Variants in FHIT observed in about 807,000 individuals in gnomAD.
FHIT encodes the protein fragile histidine triad diadenosine triphosphatase, also known as bis(5'-adenosyl)-triphosphatase.
Under a neutral mutation model 17.9 loss-of-function variants are expected in FHIT, and 19 were observed. The observed-to-expected ratio is 1.06, with a 90% confidence interval of 0.74 to 1.56. The LOEUF (loss-of-function observed/expected upper bound fraction) is 1.56, where lower values mean the gene tolerates loss of function less well. Ranked by LOEUF, FHIT falls within the 40% of genes most tolerant of loss-of-function variation. FHIT has a pLI of 0.00. For missense variants in FHIT, 248 were observed against 189.2 expected, an observed-to-expected ratio of 1.31 and a Z score of -1.82; for synonymous variants, 81 against 69.7, an observed-to-expected ratio of 1.16 and a Z score of -0.81.
intron 5 of FHIT, among the ~76,000 whole-genome samples, chr3:60,109,635 C>T (rs1370163941): frequency 6.6e-6 from 1 of 152,084 alleles, no homozygotes; most frequent in Non-Finnish European, 1.5e-5. Flanking sequence ...TAATGGTTTC[C>T]TTAAATGCGG....
intron 5 of FHIT, among the ~76,000 whole-genome samples, chr3:60,256,758 T>C (rs1046753329): frequency 6.6e-6 from 1 of 152,224 alleles, no homozygotes; most frequent in Non-Finnish European, 1.5e-5. Flanking sequence ...TACATTTCAG[T>C]ATGATTGGTC....
chr3:60,195,084 T>C (rs975355240), intron 5 of FHIT, among the ~76,000 whole-genome samples: 2 of 152,038 alleles, frequency 1.3e-5, no homozygotes, highest in Non-Finnish European at 2.9e-5. Flanking sequence ...GAGAATCACT[T>C]GAACCCAGAA....
chr3:61,182,814 G>T (rs1180989168), intron 2 of FHIT, among the ~76,000 whole-genome samples: 4 of 152,150 alleles, frequency 2.6e-5, no homozygotes, highest in African/African-American at 9.7e-5. Context: ...GCAGACAGTA[G>T]CCCACTTCAT....
intron 3 of FHIT, among the ~76,000 whole-genome samples, chr3:60,998,899 A>C (rs2030866017): frequency 6.7e-6 from 1 of 149,626 alleles, no homozygotes; most frequent in South Asian, 2.1e-4. Flanking sequence ...AGTCTAAATG[A>C]ACAAGCAGAG....
intron 8 of FHIT, among the ~76,000 whole-genome samples, chr3:59,835,774 C>T (rs1398420684): frequency 6.6e-6 from 1 of 152,176 alleles, no homozygotes; most frequent in Non-Finnish European, 1.5e-5. Flanking sequence ...TTGAAGACCA[C>T]TAGCTCATTA....
intron 5 of FHIT, among the ~76,000 whole-genome samples, chr3:60,156,208 A>T (rs549298677): frequency 6.6e-6 from 1 of 151,664 alleles, no homozygotes; most frequent in Non-Finnish European, 1.5e-5. Context: ...AAAAATTAGC[A>T]GGGCGTGGTG....
intron 3 of FHIT, among the ~76,000 whole-genome samples, chr3:60,828,516 G>C (rs1702203541): frequency 6.6e-6 from 1 of 152,150 alleles, no homozygotes; most frequent in Non-Finnish European, 1.5e-5. Context: ...GAAGCTATTA[G>C]AGGAGATGGG....
chr3:59,885,773 T>C (rs1703597994), intron 8 of FHIT, among the ~76,000 whole-genome samples: 1 of 152,196 alleles, frequency 6.6e-6, no homozygotes, highest in Non-Finnish European at 1.5e-5. Context: ...GCTGCTTTCA[T>C]TTTCCAAAAG....
chr3:60,801,978 A>G lies in FHIT; in HGVS notation c.-18+19941T>C, dbSNP rs562074039. Among the ~76,000 whole-genome samples, 44 of 152,354 alleles carry G rather than the reference A, an allele frequency of 2.9e-4. 1 individual carries two copies. Among genetic ancestry groups the G allele is most frequent in the African/African-American group, 9.9e-4 (41 of 41,590 alleles). ...CAGAACATTTCCTTCAATTCACATAATCATTAAGAAGTATCATTCATAAGG... is the reference window on the plus strand; with the variant it reads ...CAGAACATTTCCTTCAATTCACATAGTCATTAAGAAGTATCATTCATAAGG... On this transcript the variant is annotated intron_variant, in intron 4 of 9. Transcript: ENST00000492590.
chr3:60,814,735 T>C (rs2736738), intron 4 of FHIT, among the ~76,000 whole-genome samples: 119,683 of 152,036 alleles, frequency 0.79, 48,384 homozygotes, highest in East Asian at 0.94. Context: ...GTAATGGAAT[T>C]GCTGGATCGA....
intron 8 of FHIT, among the ~76,000 whole-genome samples, chr3:59,836,529 G>A (rs777352365): frequency 7.2e-5 from 11 of 152,184 alleles, no homozygotes; most frequent in Non-Finnish European, 8.8e-5. Context: ...CATGCCATAT[G>A]AGCTTGGCCC....
intron 5 of FHIT, among the ~76,000 whole-genome samples, chr3:60,110,941 G>T (rs1272487152): frequency 6.6e-6 from 1 of 152,074 alleles, no homozygotes; most frequent in East Asian, 1.9e-4. Context: ...TCTCTACTCT[G>T]CCTGTCCCAT....
chr3:60,305,535 T>A, intron 5 of FHIT, among the ~76,000 whole-genome samples: 1 of 152,154 alleles, frequency 6.6e-6, no homozygotes, highest in East Asian at 1.9e-4. Flanking sequence ...ACACTGTGCA[T>A]CTCCAATCTC....
rs540557737 is a variant in FHIT, at chr3:59,831,502, C to T, written c.349-79181G>A. On this transcript the variant is annotated intron_variant, in intron 8 of 9. Coordinates refer to ENST00000492590, the MANE Select transcript of FHIT (RefSeq NM_002012.4). The stretch of plus-strand genomic sequence containing the variant: ...AATAGAAGCCAAGCAGTTTGACTTC[C>T]GAGCCTGTGCCCTTAGTTACTACCC... Among the ~76,000 whole-genome samples, 10 of 152,164 alleles carry T rather than the reference C, an allele frequency of 6.6e-5. No individual in the cohort carries two copies. The East Asian group carries it at 9.7e-4, about 15-fold the overall frequency.
chr3:60,625,012 A>T (rs1553680411), intron 4 of FHIT, among the ~76,000 whole-genome samples: 2 of 152,040 alleles, frequency 1.3e-5, no homozygotes, highest in Non-Finnish European at 2.9e-5. Context: ...AGGCTCAAGC[A>T]ATCCTCCCAC....
chr3:61,227,974 T>C (rs1215685586), intron 1 of FHIT, among the ~76,000 whole-genome samples: 3 of 152,162 alleles, frequency 2.0e-5, no homozygotes, highest in African/African-American at 7.2e-5. Flanking sequence ...TTTAAAAAAA[T>C]GTCTGTAGTT....
chr3:61,081,968 A>T (rs778081364), intron 2 of FHIT, among the ~76,000 whole-genome samples: 11 of 152,158 alleles, frequency 7.2e-5, no homozygotes, highest in African/African-American at 2.7e-4. Flanking sequence ...AAATCTGTCA[A>T]CTTCTTTCTA....
chr3:60,588,033 A>G (rs1055495178), intron 4 of FHIT, among the ~76,000 whole-genome samples: 1 of 151,986 alleles, frequency 6.6e-6, no homozygotes, highest in Non-Finnish European at 1.5e-5. Flanking sequence ...GTTGTGATTA[A>G]AAACAAAGGT....
At chr3:60,995,533 A>G (rs776132213) in intron 3 of FHIT, among the ~76,000 whole-genome samples, 71 of 152,182 alleles carry the variant, frequency 4.7e-4, no homozygotes, top group Non-Finnish European at 4.1e-4. Context: ...AGTTGCTGCG[A>G]CTACAGGTGT....
Sources: gnomAD v4.1 joint callset for allele counts (sites outside exome capture counted in the v4.1 genomes callset) on GRCh38, gnomAD v4.1.1 for gene constraint, MANE v1.5 for transcripts, NCBI Gene and HGNC (gene_info 2026-07-23, HGNC 2026-07-21) for gene names.